Variants in ZCCHC4 observed in about 807,000 individuals in gnomAD.
ZCCHC4 encodes the protein zinc finger CCHC-type containing 4.
Under a neutral mutation model 67.7 loss-of-function variants are expected in ZCCHC4, and 54 were observed. The ratio of observed to expected loss-of-function variants is 0.80; its 90% CI spans 0.64 to 1.00. ZCCHC4 has a LOEUF of 1.00. Among genes scored for constraint, ZCCHC4 ranks in the 50% least tolerant of loss-of-function variants. The probability of loss-of-function intolerance (pLI) is 0.00; values close to 1 mark genes in which losing one functional copy is unlikely to be tolerated. For synonymous variants in ZCCHC4, 198 were observed against 213.5 expected, an observed-to-expected ratio of 0.93 and a Z score of 0.63; for missense variants, 609 against 617.0, an observed-to-expected ratio of 0.99 and a Z score of 0.14.
chr4:25,354,981 A>C (rs967587096), intron 8 of ZCCHC4, among the ~76,000 whole-genome samples: 3 of 144,688 alleles, frequency 2.1e-5, no homozygotes, highest in Non-Finnish European at 4.5e-5. Context: ...AAAAAACCCC[A>C]AATCACTAAA....
At chr4:25,360,306 G>A (rs901693553) in intron 8 of ZCCHC4, among the ~76,000 whole-genome samples, 17 of 152,370 alleles carry the variant, frequency 1.1e-4, no homozygotes, top group South Asian at 2.1e-4. Context: ...GCCATTTAGC[G>A]GGCATATGCC....
At chr4:25,333,874 A>G (rs1413963578) in intron 4 of ZCCHC4, 34 bp from the exon 5 acceptor site, 3 of 1,431,218 alleles carry the variant, frequency 2.1e-6, no homozygotes, top group Admixed American at 2.3e-5. Context: ...CATTTGTAAT[A>G]TCTTATTACA....
Position 25,370,062 on chromosome 4 carries a change from C to G in ZCCHC4, c.*898C>G, listed in dbSNP as rs1210836675. The G allele has an allele frequency of 2.0e-5, 3 of 152,172 alleles. No individual in the cohort carries two copies. Among genetic ancestry groups the G allele is most frequent in the Admixed American group, 6.5e-5 (1 of 15,284 alleles). The allele number at this position is 152,172 out of a possible 1,614,324, so 9.4% of individuals were successfully genotyped here. On this transcript the variant is annotated 3_prime_UTR_variant, in exon 13 of 13. Transcript: ENST00000302874. ...TTCAAGTACTTTTTGCAGTTGTCCT[C>G]TGACGGTCTAGAATCACTTAAATGC...
At chr4:25,344,628 TAAATA>T (rs895059004) in intron 5 of ZCCHC4, among the ~76,000 whole-genome samples, 65 of 151,358 alleles carry the variant, frequency 4.3e-4, no homozygotes, top group Middle Eastern at 6.8e-3. Flanking sequence ...TAAAATAAAA[TAAATA>T]AAATAAAATA....
chr4:25,324,014 G>GTTTTTTTT (rs71188998), intron 3 of ZCCHC4, among the ~76,000 whole-genome samples: 12 of 82,414 alleles, frequency 1.5e-4, no homozygotes, highest in Admixed American at 5.1e-4. Flanking sequence ...TGTTTTTTGT[G>GTTTTTTTT]TTTTTTTTTT....
chr4:25,313,750 CAGCTACTCGG>C (rs1182543313), intron 1 of ZCCHC4, among the ~76,000 whole-genome samples: 64 of 152,244 alleles, frequency 4.2e-4, no homozygotes, highest in Non-Finnish European at 4.3e-4. Context: ...ACTGTAGTCC[CAGCTACTCGG>C]GATGCTGAGG....
At chr4:25,349,376 G>A in intron 6 of ZCCHC4, 116 bp from the exon 7 acceptor site, 1 of 941,818 alleles carries the variant, frequency 1.1e-6, no homozygotes, top group Non-Finnish European at 1.6e-6. Context: ...GTGGCAAGAT[G>A]ACTTGGTAAA....
chr4:25,334,910 C>T (rs886679066), intron 5 of ZCCHC4, among the ~76,000 whole-genome samples: 13 of 151,882 alleles, frequency 8.6e-5, no homozygotes, highest in Non-Finnish European at 1.5e-5. Flanking sequence ...TGGTCATAGC[C>T]CACTGTACCC....
intron 8 of ZCCHC4, among the ~76,000 whole-genome samples, chr4:25,360,215 T>C (rs1720674684): frequency 6.6e-6 from 1 of 152,254 alleles, no homozygotes; most frequent in African/African-American, 2.4e-5. Flanking sequence ...CTGATTCTCT[T>C]GCAGATTTAG....
chr4:25,325,067 C>T, intron 3 of ZCCHC4, among the ~76,000 whole-genome samples: 1 of 150,212 alleles, frequency 6.7e-6, no homozygotes, highest in Non-Finnish European at 1.5e-5. Context: ...CACAGTGAAA[C>T]CCCGTCTCTA....
chr4:25,364,334 C>T, intron 10 of ZCCHC4, 120 bp from the exon 11 acceptor site: 1 of 706,628 alleles, frequency 1.4e-6, no homozygotes, highest in Non-Finnish European at 2.1e-6. Flanking sequence ...CCAGAAAAGG[C>T]AGAAATAAGG....
intron 1 of ZCCHC4, 92 bp downstream of exon 1, chr4:25,313,028 G>A (rs1718039688): frequency 1.3e-6 from 2 of 1,529,854 alleles, no homozygotes; most frequent in South Asian, 1.2e-5. Flanking sequence ...ATTTTTACCC[G>A]CCTCTTTCCC....
At position 25,315,296 on chromosome 4, in the gene ZCCHC4, TGGGTTTTGTACTCTCTTTCAGTTGTCA is replaced by T. The variant is rs1299736897; in HGVS notation, c.247-19_254del. 6.3e-7 allele frequency: 1 copy of T among 1,591,080 alleles called. No individual in the cohort carries two copies. The highest frequency in any genetic ancestry group is 1.8e-5 in the Admixed American group (1 of 55,518). On this transcript the variant is annotated splice_acceptor_variant and splice_polypyrimidine_tract_variant and coding_sequence_variant and intron_variant, in exon 3 of 13. Coordinates refer to ENST00000302874, the MANE Select transcript of ZCCHC4 (RefSeq NM_024936.3). LOFTEE classifies it high-confidence loss of function. ...GATAGATATTTCACAGTTTATTCAA[TGGGTTTTGTACTCTCTTTCAGTTGTCA>T]GGAGCTAGACTTGCTGCCCGAGAAG...
intron 5 of ZCCHC4, among the ~76,000 whole-genome samples, chr4:25,340,358 C>A (rs942374879): frequency 1.3e-5 from 2 of 152,124 alleles, no homozygotes. Flanking sequence ...TTGATCTATG[C>A]CCATCCCTAT....
At chr4:25,322,743 C>T (rs1011955951) in intron 3 of ZCCHC4, among the ~76,000 whole-genome samples, 9 of 152,190 alleles carry the variant, frequency 5.9e-5, no homozygotes, top group African/African-American at 2.2e-4. Flanking sequence ...GTCTTGAACT[C>T]CTGGCTTCAA....
In ZCCHC4 at chr4:25,369,883, T is replaced by A. The variant is rs1428652655; in HGVS notation, c.*719T>A. The A allele has an allele frequency of 6.6e-6, 1 of 152,186 alleles. No individual in the cohort carries two copies. Among genetic ancestry groups the A allele is most frequent in the African/African-American group, 2.4e-5 (1 of 41,444 alleles). The allele number at this position is 152,186 out of a possible 1,614,324, so 9.4% of individuals were successfully genotyped here. On this transcript the variant is annotated 3_prime_UTR_variant, in exon 13 of 13. Transcript: ENST00000302874. The stretch of plus-strand genomic sequence containing the variant: ...AATTTAAATAGGAAAATATTTTATG[T>A]TAAATATGAAACAATAGTTTAAACC...
At chr4:25,343,664 G>A (rs568697170) in intron 5 of ZCCHC4, among the ~76,000 whole-genome samples, 2 of 152,294 alleles carry the variant, frequency 1.3e-5, no homozygotes, top group South Asian at 4.1e-4. Context: ...GCTAGTAAGC[G>A]AGAGACACAT....
intron 5 of ZCCHC4, among the ~76,000 whole-genome samples, chr4:25,342,621 T>G (rs981022094): frequency 6.6e-6 from 1 of 152,064 alleles, no homozygotes; most frequent in African/African-American, 2.4e-5. Context: ...TGTTTCACAC[T>G]TGGTAACTGA....
intron 12 of ZCCHC4, 79 bp downstream of exon 12, chr4:25,365,245 A>G (rs2109095535): frequency 1.3e-6 from 2 of 1,572,578 alleles, no homozygotes; most frequent in Non-Finnish European, 8.6e-7. Context: ...TGCAACATTC[A>G]GAGGATCTTG....
Sources: gnomAD v4.1 joint callset for allele counts (sites outside exome capture counted in the v4.1 genomes callset) on GRCh38, gnomAD v4.1.1 for gene constraint, MANE v1.5 for transcripts, NCBI Gene and HGNC (gene_info 2026-07-23, HGNC 2026-07-21) for gene names.